PDE11A: variants seen among roughly 807,000 people sequenced by gnomAD.
PDE11A encodes phosphodiesterase 11A, also known as dual 3',5'-cyclic-AMP and -GMP phosphodiesterase 11A.
PDE11A carries 100 observed loss-of-function variants against 100.5 expected under a neutral mutation model. The ratio of observed to expected loss-of-function variants is 1.00; its 90% CI spans 0.85 to 1.18. The LOEUF (loss-of-function observed/expected upper bound fraction) is 1.18, where lower values mean the gene tolerates loss of function less well. Among genes scored for constraint, PDE11A ranks in the 50% most tolerant of loss-of-function variants. The pLI is 0.00. For missense variants in PDE11A, 1,141 were observed against 1,152.6 expected, an observed-to-expected ratio of 0.99 and a Z score of 0.15; for synonymous variants, 381 against 420.8, an observed-to-expected ratio of 0.91 and a Z score of 1.16.
chr2:177,764,691 C>T (rs76870699), intron 10 of PDE11A, among the ~76,000 whole-genome samples: 1,656 of 152,274 alleles, frequency 0.011, 37 homozygotes, highest in African/African-American at 0.037. Context: ...TAAAAACAGT[C>T]ACTAAAATAT....
intron 1 of PDE11A, among the ~76,000 whole-genome samples, chr2:178,037,785 A>G (rs766337236): frequency 4.6e-5 from 7 of 152,080 alleles, no homozygotes; most frequent in Non-Finnish European, 1.0e-4. Flanking sequence ...AAAACCAAAC[A>G]CCACATGTTC....
chr2:178,005,541 T>C lies in PDE11A; in HGVS notation c.1071+8761A>G, dbSNP rs75675238. On this transcript the variant is annotated intron_variant, in intron 2 of 19. Coordinates refer to ENST00000286063, the MANE Select transcript of PDE11A (RefSeq NM_016953.4). ...ACATTATATACTTATATATTTACTT[T>C]GTTTGTTGTCTGTTTTTTATCACTA... 1.1e-3 allele frequency among the ~76,000 whole-genome samples: 166 copies of C among 152,310 alleles called. No individual in the cohort carries two copies. The East Asian group carries it at 0.028, about 26-fold the overall frequency.
At chr2:178,009,995 C>T (rs377038173) in intron 2 of PDE11A, among the ~76,000 whole-genome samples, 272 of 152,238 alleles carry the variant, frequency 1.8e-3, no homozygotes, top group African/African-American at 6.4e-3. Flanking sequence ...AATAAAATTA[C>T]GAACAGGGTT....
chr2:177,877,923 G>A (rs1256259465), intron 4 of PDE11A, among the ~76,000 whole-genome samples: 1 of 152,112 alleles, frequency 6.6e-6, no homozygotes, highest in Admixed American at 6.6e-5. Context: ...ATGCTTCAAA[G>A]GCCTTTTAAA....
rs569168263 is a variant in PDE11A at position 177,817,898 on chromosome 2, T to C, written c.1604A>G (p.Asp535Gly). ...ATCTGCATCATCAAAAGGTTTCCCATCAAGTCTGTTTAACACTTGAGCCAC... is the reference window on the plus strand; with the variant it reads ...ATCTGCATCATCAAAAGGTTTCCCACCAAGTCTGTTTAACACTTGAGCCAC... ...IGVAQVLNRL[D>G]GKPFDDADQR... is the part of the protein sequence containing the mutation. The change falls in exon 8 of 20, where the codon GAT becomes GGT. Residue 535 changes from aspartate (D) to glycine (G), a missense_variant. By Grantham distance (94) the Asp-to-Gly change is moderately conservative. Coordinates refer to ENST00000286063, the MANE Select transcript of PDE11A (RefSeq NM_016953.4). 1.3e-6 allele frequency: 2 copies of C among 1,544,308 alleles called. No individual in the cohort carries two copies. The highest frequency in any genetic ancestry group is 1.7e-5 in the Admixed American group (1 of 59,906).
rs576084602 is a variant in PDE11A, at chr2:177,901,276, C to A, written c.1162-3078G>T. On this transcript the variant is annotated intron_variant, in intron 3 of 19. Coordinates refer to ENST00000286063, the MANE Select transcript of PDE11A (RefSeq NM_016953.4). ...CCCCCATCCATGAGCTAACTCAGGG[C>A]AAGAGGACAGTTTCAATTCCCTATG... is the stretch of plus-strand genomic sequence containing the variant. Among the ~76,000 whole-genome samples the A allele has an allele frequency of 2.0e-5, 3 of 152,142 alleles. No individual in the cohort carries two copies. In the South Asian group the frequency reaches 6.3e-4, roughly 32 times the overall value.
intron 12 of PDE11A, among the ~76,000 whole-genome samples, chr2:177,714,667 T>A (rs1426294256): frequency 6.6e-6 from 1 of 152,190 alleles, no homozygotes; most frequent in Non-Finnish European, 1.5e-5. Flanking sequence ...TATATTACCA[T>A]CCTATAAATA....
At chr2:177,792,407 G>C (rs1574147412) in intron 9 of PDE11A, among the ~76,000 whole-genome samples, 2 of 152,098 alleles carry the variant, frequency 1.3e-5, no homozygotes, top group Admixed American at 6.5e-5. Context: ...CCATACTTCT[G>C]AGTAGCATGT....
At chr2:177,646,485 A>G (rs1341145556) in intron 19 of PDE11A, among the ~76,000 whole-genome samples, 3 of 152,244 alleles carry the variant, frequency 2.0e-5, no homozygotes, top group African/African-American at 7.2e-5. Context: ...TTTGGCAGAT[A>G]TGGAACCTGG....
chr2:177,962,891 G>C (rs942403312), intron 2 of PDE11A, among the ~76,000 whole-genome samples: 6 of 152,102 alleles, frequency 3.9e-5, no homozygotes. Flanking sequence ...ATTTGAACTG[G>C]AGGTTTGGTT....
At chr2:177,753,865 G>T (rs1167447840) in intron 10 of PDE11A, among the ~76,000 whole-genome samples, 1 of 151,574 alleles carries the variant, frequency 6.6e-6, no homozygotes, top group Admixed American at 6.6e-5. Flanking sequence ...TTTTACATTT[G>T]ATTTTTATGG....
intron 2 of PDE11A, among the ~76,000 whole-genome samples, chr2:178,082,502 A>G (rs904554747): frequency 6.6e-6 from 1 of 152,214 alleles, no homozygotes; most frequent in Non-Finnish European, 1.5e-5. Context: ...TGGGAAGCAT[A>G]GTCTCCAGTC....
At chr2:178,011,305 T>C (rs1277345317) in intron 2 of PDE11A, among the ~76,000 whole-genome samples, 1 of 152,130 alleles carries the variant, frequency 6.6e-6, no homozygotes, top group East Asian at 1.9e-4. Flanking sequence ...ATCCTGGCTG[T>C]GCTAAGCTGA....
At chr2:177,929,830 A>C (rs557631773) in intron 2 of PDE11A, among the ~76,000 whole-genome samples, 1 of 152,246 alleles carries the variant, frequency 6.6e-6, no homozygotes, top group East Asian at 1.9e-4. Context: ...CCTGTGTGGG[A>C]CTCTAAAGAC....
chr2:177,694,109 T>C (rs754856278), intron 15 of PDE11A, among the ~76,000 whole-genome samples: 3 of 152,196 alleles, frequency 2.0e-5, no homozygotes, highest in Non-Finnish European at 4.4e-5. Flanking sequence ...GCCAGCTTCT[T>C]TGGGAGTCAG....
At chr2:177,847,855 T>C (rs2083627716) in intron 5 of PDE11A, among the ~76,000 whole-genome samples, 1 of 152,148 alleles carries the variant, frequency 6.6e-6, no homozygotes, top group Middle Eastern at 3.2e-3. Flanking sequence ...CCCCTCTCTG[T>C]AGACATAGAG....
At chr2:177,810,908 A>G (rs2105569274) in intron 9 of PDE11A, among the ~76,000 whole-genome samples, 1 of 152,258 alleles carries the variant, frequency 6.6e-6, no homozygotes, top group South Asian at 2.1e-4. Context: ...TTGGGGAGGT[A>G]GAATAAAAGA....
At chr2:177,764,660 G>C (rs2082215056) in intron 10 of PDE11A, among the ~76,000 whole-genome samples, 2 of 152,330 alleles carry the variant, frequency 1.3e-5, no homozygotes, top group East Asian at 3.9e-4. Context: ...CATTATTCCT[G>C]TTAGCACAGA....
At chr2:178,064,325 G>T (rs940734410) in intron 1 of PDE11A, among the ~76,000 whole-genome samples, 1 of 152,174 alleles carries the variant, frequency 6.6e-6, no homozygotes, top group African/African-American at 2.4e-5. Flanking sequence ...TCACCTCTTC[G>T]CTGTAGGTGT....
Sources: gnomAD v4.1 joint callset for allele counts (sites outside exome capture counted in the v4.1 genomes callset) on GRCh38, gnomAD v4.1.1 for gene constraint, MANE v1.5 for transcripts, NCBI Gene and HGNC (gene_info 2026-07-23, HGNC 2026-07-21) for gene names.